The following RALYL variants were observed in gnomAD, a reference collection of about 807,000 sequenced individuals.
RALYL encodes RALY RNA binding protein like.
Under a neutral mutation model 35.1 loss-of-function variants are expected in RALYL, and 29 were observed. The observed-to-expected ratio is 0.83, with a 90% CI of 0.61 to 1.13. RALYL has a LOEUF of 1.13. Ranked by LOEUF, RALYL falls within the 50% of genes most tolerant of loss-of-function variation. The pLI is 0.00. For missense variants in RALYL, 359 were observed against 360.4 expected (o/e 1.00, Z 0.03); for synonymous variants, 120 against 127.6 (o/e 0.94, Z 0.40).
At chr8:84,488,036 T>A (rs1225370187) in intron 1 of RALYL, among the ~76,000 whole-genome samples, 1 of 152,034 alleles carries the variant, frequency 6.6e-6, no homozygotes, top group Non-Finnish European at 1.5e-5. Flanking sequence ...CCAAAATAGC[T>A]TTTATTGAGG....
At chr8:84,265,055 A>T (rs1246299440) in intron 1 of RALYL, among the ~76,000 whole-genome samples, 1 of 152,230 alleles carries the variant, frequency 6.6e-6, no homozygotes, top group East Asian at 1.9e-4. Flanking sequence ...TGCTGTCATG[A>T]GCTAGATGTG....
At chr8:84,719,171 C>G (rs1843439676) in intron 2 of RALYL, among the ~76,000 whole-genome samples, 1 of 152,092 alleles carries the variant, frequency 6.6e-6, no homozygotes. Flanking sequence ...GGCTATAACC[C>G]CCAAAGACAG....
intron 2 of RALYL, among the ~76,000 whole-genome samples, chr8:84,762,308 T>C (rs1812910377): frequency 6.6e-6 from 1 of 152,198 alleles, no homozygotes; most frequent in Non-Finnish European, 1.5e-5. Flanking sequence ...TTAAATATCA[T>C]ATATCCCATT....
intron 2 of RALYL, among the ~76,000 whole-genome samples, chr8:84,571,869 C>G (rs1399414406): frequency 6.6e-6 from 1 of 151,404 alleles, no homozygotes; most frequent in African/African-American, 2.4e-5. Flanking sequence ...CTTTATTTAC[C>G]CAAAAGCCAT....
chr8:84,680,879 C>T (rs577403492), intron 2 of RALYL, among the ~76,000 whole-genome samples: 2 of 151,930 alleles, frequency 1.3e-5, no homozygotes, highest in Non-Finnish European at 2.9e-5. Flanking sequence ...TCAATTTTGG[C>T]TTTTGTTGCC....
At chr8:84,668,775 A>C (rs541480816) in intron 2 of RALYL, among the ~76,000 whole-genome samples, 2 of 152,124 alleles carry the variant, frequency 1.3e-5, no homozygotes, top group Non-Finnish European at 2.9e-5. Flanking sequence ...AGACCAAAGT[A>C]GGGTAGTTAG....
At chr8:84,627,425 C>T (rs1341918978) in intron 2 of RALYL, among the ~76,000 whole-genome samples, 1 of 146,418 alleles carries the variant, frequency 6.8e-6, no homozygotes, top group Non-Finnish European at 1.5e-5. Flanking sequence ...TCTAGTGTGC[C>T]TTTCACTGCT....
intron 2 of RALYL, among the ~76,000 whole-genome samples, chr8:84,697,402 T>A (rs955348889): frequency 6.6e-6 from 1 of 152,052 alleles, no homozygotes; most frequent in African/African-American, 2.4e-5. Flanking sequence ...TCTGACATAA[T>A]GTTATCTCTT....
intron 1 of RALYL, among the ~76,000 whole-genome samples, chr8:84,344,162 A>G (rs867258928): frequency 2.6e-5 from 4 of 152,074 alleles, no homozygotes; most frequent in African/African-American, 7.2e-5. Flanking sequence ...TTTTATAACA[A>G]TTGCAACCCA....
At chr8:84,419,546 T>A (rs190188030) in intron 1 of RALYL, among the ~76,000 whole-genome samples, 2 of 151,994 alleles carry the variant, frequency 1.3e-5, no homozygotes, top group African/African-American at 4.8e-5. Context: ...GTCTTAACTT[T>A]TTTTTTTTTA....
At chr8:84,277,766 A>G (rs1308414814) in intron 1 of RALYL, among the ~76,000 whole-genome samples, 1 of 152,254 alleles carries the variant, frequency 6.6e-6, no homozygotes, top group East Asian at 1.9e-4. Context: ...TTAAAGATCC[A>G]AAATGATCTC....
At chr8:84,304,578 A>C (rs1586110716) in intron 1 of RALYL, among the ~76,000 whole-genome samples, 1 of 151,692 alleles carries the variant, frequency 6.6e-6, no homozygotes, top group Non-Finnish European at 1.5e-5. Context: ...TGTTTTATGT[A>C]AAATAAACTC....
chr8:84,323,499 G>T (rs1184834010), intron 1 of RALYL, among the ~76,000 whole-genome samples: 1 of 151,922 alleles, frequency 6.6e-6, no homozygotes, highest in Non-Finnish European at 1.5e-5. Context: ...ACTTTCCTTT[G>T]ATCTCAGTAT....
chr8:84,209,392 A>T (rs903292546), intron 1 of RALYL, among the ~76,000 whole-genome samples: 1 of 152,162 alleles, frequency 6.6e-6, no homozygotes, highest in Non-Finnish European at 1.5e-5. Flanking sequence ...TTAGAATCAG[A>T]CATATCTAGA....
intron 2 of RALYL, among the ~76,000 whole-genome samples, chr8:84,656,329 C>A (rs1829951533): frequency 6.6e-6 from 1 of 152,072 alleles, no homozygotes; most frequent in Non-Finnish European, 1.5e-5. Flanking sequence ...ACTCTTTTGG[C>A]AACCTTGAAA....
At chr8:84,510,567 T>C (rs922343460) in intron 1 of RALYL, among the ~76,000 whole-genome samples, 1 of 152,064 alleles carries the variant, frequency 6.6e-6, no homozygotes, top group African/African-American at 2.4e-5. Flanking sequence ...TCCCACCACT[T>C]TGGGAGGCCG....
intron 1 of RALYL, among the ~76,000 whole-genome samples, chr8:84,395,683 A>T (rs544997257): frequency 6.6e-6 from 1 of 151,818 alleles, no homozygotes; most frequent in South Asian, 2.1e-4. Flanking sequence ...CATGTTCATG[A>T]TATCCTTAGG....
At chr8:84,474,445 A>G (rs2053155174) in intron 1 of RALYL, among the ~76,000 whole-genome samples, 1 of 152,200 alleles carries the variant, frequency 6.6e-6, no homozygotes, top group Non-Finnish European at 1.5e-5. Flanking sequence ...TTTTCCTACT[A>G]CAATTTTATG....
At chr8:84,193,689 G>A (rs535897408) in intron 1 of RALYL, among the ~76,000 whole-genome samples, 79 of 152,152 alleles carry the variant, frequency 5.2e-4, no homozygotes, top group Non-Finnish European at 1.0e-3. Context: ...ATGAAATATA[G>A]AAAGATTCTA....
Sources: allele counts gnomAD v4.1 joint callset (sites outside exome capture counted in the v4.1 genomes callset), GRCh38; gene constraint gnomAD v4.1.1; transcripts MANE v1.5; gene names NCBI Gene and HGNC (gene_info 2026-07-23, HGNC 2026-07-21).